The following KLF8 variants were observed in gnomAD, a reference collection of about 807,000 sequenced individuals.
KLF8 encodes Krueppel-like factor 8.
A neutral mutation model predicts 18.2 loss-of-function variants in KLF8; 10 were observed. The observed-to-expected ratio is 0.55, with a 90% CI of 0.34 to 0.93. The LOEUF is 0.93. Ranked by LOEUF, KLF8 falls within the 40% of genes least tolerant of loss-of-function variation. KLF8 has a pLI of 0.02. For missense variants in KLF8, 264 were observed against 277.9 expected (o/e 0.95, Z 0.36); for synonymous variants, 109 against 97.3 (o/e 1.12, Z -0.71).
the KLF8 span, among the ~76,000 whole-genome samples, chrX:55,963,786 A>G: frequency 8.9e-6 from 1 of 112,060 alleles, no homozygotes; most frequent in Non-Finnish European, 1.9e-5. Flanking sequence ...ACAGGCATTT[A>G]CAGGATACTC....
the KLF8 span, among the ~76,000 whole-genome samples, chrX:56,160,238 A>T: frequency 5.4e-5 from 6 of 111,921 alleles, no homozygotes; most frequent in Non-Finnish European, 1.9e-5. Flanking sequence ...GTTTGATTGC[A>T]CTGTGGTCTG....
chrX:56,034,959 G>T, the KLF8 span, among the ~76,000 whole-genome samples: 10 of 108,300 alleles, frequency 9.2e-5, no homozygotes, highest in African/African-American at 3.4e-4. Flanking sequence ...GTTTCACCGT[G>T]TTAGCCAGGA....
chrX:56,038,844 T>A, the KLF8 span, among the ~76,000 whole-genome samples: 1 of 112,181 alleles, frequency 8.9e-6, no homozygotes, highest in Admixed American at 9.4e-5. Context: ...AGTGAAAAAG[T>A]GTTTCTTTTC....
chrX:56,002,863 A>T, the KLF8 span, among the ~76,000 whole-genome samples: 1 of 112,042 alleles, frequency 8.9e-6, no homozygotes, highest in East Asian at 2.8e-4. Context: ...TACCAAAGAG[A>T]GTAACAAGTA....
the KLF8 span, among the ~76,000 whole-genome samples, chrX:55,972,200 C>A: frequency 1.8e-5 from 2 of 111,662 alleles, no homozygotes; most frequent in African/African-American, 6.5e-5. Context: ...AATAGTGTAT[C>A]ATTCAGCCAT....
chrX:56,031,028 T>C, the KLF8 span, among the ~76,000 whole-genome samples: 1 of 110,948 alleles, frequency 9.0e-6, no homozygotes, highest in East Asian at 2.8e-4. Context: ...GGCTTCCTTC[T>C]GATGGCCAAC....
chrX:56,233,917 G>C (rs778542554), intron 1 of KLF8, among the ~76,000 whole-genome samples: 1 of 111,737 alleles, frequency 8.9e-6, no homozygotes, highest in African/African-American at 3.3e-5. Flanking sequence ...GTTGGAGAAG[G>C]AAGCCAGAGC....
At chrX:55,941,246 C>T in the KLF8 span, among the ~76,000 whole-genome samples, 3 of 111,852 alleles carry the variant, frequency 2.7e-5, no homozygotes, top group African/African-American at 9.8e-5. Context: ...CTTTGACAAA[C>T]CTGACAAAAA....
the KLF8 span, among the ~76,000 whole-genome samples, chrX:55,969,883 G>A: frequency 4.5e-5 from 5 of 110,971 alleles, no homozygotes; most frequent in African/African-American, 1.6e-4. Context: ...TCTACATTGA[G>A]AAAATTCAAA....
At chrX:56,189,495 T>C in the KLF8 span, among the ~76,000 whole-genome samples, 2 of 111,118 alleles carry the variant, frequency 1.8e-5, no homozygotes, top group East Asian at 5.7e-4. Context: ...AGAAATACCA[T>C]TTGACCCAGC....
the KLF8 span, among the ~76,000 whole-genome samples, chrX:56,027,772 A>G: frequency 1.8e-5 from 2 of 112,552 alleles, no homozygotes; most frequent in Non-Finnish European, 3.7e-5. Flanking sequence ...ACCTCTACAC[A>G]GTTGTGTTCA....
chrX:56,055,936 A>C, the KLF8 span, among the ~76,000 whole-genome samples: 1 of 111,462 alleles, frequency 9.0e-6, no homozygotes, highest in Non-Finnish European at 1.9e-5. Flanking sequence ...TTCTTTCTAT[A>C]GTGGCTATTT....
chrX:56,098,118 C>A, the KLF8 span, among the ~76,000 whole-genome samples: 5 of 111,697 alleles, frequency 4.5e-5, no homozygotes, highest in African/African-American at 1.6e-4. Context: ...AAGAGCCTGG[C>A]ACTTCCCATC....
chrX:56,053,777 C>A, the KLF8 span, among the ~76,000 whole-genome samples: 2 of 109,486 alleles, frequency 1.8e-5, no homozygotes, highest in Non-Finnish European at 3.8e-5. Flanking sequence ...TTTTCTATAT[C>A]TTTTTATTTA....
chrX:55,969,410 A>G, the KLF8 span, among the ~76,000 whole-genome samples: 4 of 111,808 alleles, frequency 3.6e-5, no homozygotes, highest in Non-Finnish European at 7.5e-5. Context: ...ACAAGTGAAA[A>G]TGGAATCATG....
chrX:56,060,474 G>C, the KLF8 span, among the ~76,000 whole-genome samples: 1 of 111,989 alleles, frequency 8.9e-6, no homozygotes, highest in Non-Finnish European at 1.9e-5. Context: ...TTCTGTTTAT[G>C]TGTTGGATTA....
chrX:55,997,265 C>T, the KLF8 span, among the ~76,000 whole-genome samples: 10 of 111,929 alleles, frequency 8.9e-5, no homozygotes, highest in African/African-American at 1.3e-4. Flanking sequence ...CCTAGAGAAG[C>T]ATCATTAGCC....
chrX:55,945,737 A>G, the KLF8 span, among the ~76,000 whole-genome samples: 3 of 111,068 alleles, frequency 2.7e-5, no homozygotes, highest in Non-Finnish European at 5.7e-5. Flanking sequence ...TATCTAGAAA[A>G]CCCCATTGTC....
the KLF8 span, among the ~76,000 whole-genome samples, chrX:56,077,334 G>A: frequency 8.9e-6 from 1 of 111,811 alleles, no homozygotes; most frequent in Admixed American, 9.5e-5. Context: ...TGTAAGGAAG[G>A]GATCCAGTTT....
Sources: allele counts gnomAD v4.1 joint callset (sites outside exome capture counted in the v4.1 genomes callset), GRCh38; gene constraint gnomAD v4.1.1; transcripts MANE v1.5; gene names NCBI Gene and HGNC (gene_info 2026-07-23, HGNC 2026-07-21).